Variants in ADAMTS9 observed in about 807,000 individuals in gnomAD.
ADAMTS9 encodes A disintegrin and metalloproteinase with thrombospondin motifs 9.
In ADAMTS9, 107 loss-of-function variants were observed where a neutral mutation model predicts 257.1. That is an observed-to-expected ratio of 0.42 (90% CI 0.36 to 0.49). The LOEUF is 0.49. Among genes scored for constraint, ADAMTS9 ranks in the 20% least tolerant of loss-of-function variants. The pLI, the probability that ADAMTS9 is intolerant of heterozygous loss-of-function variation, is 0.03. For synonymous variants in ADAMTS9, 982 were observed against 880.9 expected, an observed-to-expected ratio of 1.11 and a Z score of -2.03; for missense variants, 2,353 against 2,469.1, an observed-to-expected ratio of 0.95 and a Z score of 1.00.
chr3:64,604,151 GC>G, intron 24 of ADAMTS9, 62 bp from the exon 25 acceptor site: 9 of 1,602,758 alleles, frequency 5.6e-6, no homozygotes, highest in Non-Finnish European at 7.7e-6. Flanking sequence ...CTGGACAGTA[GC>G]CCACTTTCTA....
At position 64,541,189 on chromosome 3, in the gene ADAMTS9, C is replaced by A; in HGVS notation, c.5427G>T (p.Arg1809=). The A allele has an allele frequency of 1.2e-6, 2 of 1,614,180 alleles. No individual in the cohort carries two copies. Among genetic ancestry groups the A allele is most frequent in the Non-Finnish European group, 8.5e-7 (1 of 1,180,020 alleles). ...NPTECPYNGS[R]RDDCQCRKDY... is the part of the protein sequence containing the mutation. ...CCTTCCGACATTGGCAGTCATCGCG[C>A]CGGCTCCCGTTATAGGGACATTCTG... Residue 1809 remains arginine, a synonymous_variant, in exon 36 of 40, where the codon CGG becomes CGT. Coordinates refer to ENST00000498707, the MANE Select transcript of ADAMTS9 (RefSeq NM_182920.2).
chr3:64,534,177 G>A (rs866209948), intron 37 of ADAMTS9, among the ~76,000 whole-genome samples: 3 of 152,262 alleles, frequency 2.0e-5, no homozygotes, highest in Middle Eastern at 6.8e-3. Flanking sequence ...AAGAAGAGAG[G>A]CAAGGAGGAG....
intron 26 of ADAMTS9, among the ~76,000 whole-genome samples, chr3:64,600,308 C>A (rs150792907): frequency 1.3e-5 from 2 of 152,238 alleles, no homozygotes; most frequent in African/African-American, 4.8e-5. Context: ...TCAGACACGT[C>A]AAGCTAGGGC....
chr3:64,585,434 T>C (rs1346865349), intron 28 of ADAMTS9, among the ~76,000 whole-genome samples: 1 of 152,164 alleles, frequency 6.6e-6, no homozygotes, highest in Non-Finnish European at 1.5e-5. Context: ...TGGGAATGAA[T>C]AAGACAGCTT....
Position 64,634,448 on chromosome 3 carries a change from G to T in ADAMTS9, c.1857-569C>A, listed in dbSNP as rs908136955. 2.6e-5 allele frequency among the ~76,000 whole-genome samples: 4 copies of T among 152,166 alleles called. No homozygotes were observed. In the South Asian group the frequency reaches 8.3e-4, roughly 31 times the overall value. ...TGTTTCACAAATAAAATGGAATAAT[G>T]GGAATGTGTTCATATTTTGACTAAC... On this transcript the variant is annotated intron_variant, in intron 12 of 39. Transcript: ENST00000498707.
chr3:64,650,970 T>C (rs1015403493), intron 9 of ADAMTS9, 47 bp downstream of exon 9: 27 of 1,551,314 alleles, frequency 1.7e-5, no homozygotes, highest in Non-Finnish European at 2.1e-5. Flanking sequence ...TCACTACATG[T>C]AGGCCAGGCA....
chr3:64,543,888 T>A (rs745578940), intron 32 of ADAMTS9, among the ~76,000 whole-genome samples: 1 of 152,120 alleles, frequency 6.6e-6, no homozygotes. Context: ...CAGCCCAAAA[T>A]CTCCTTAAGC....
rs141827552 is a variant in ADAMTS9 at position 64,550,973 on chromosome 3, G to A, written c.4788C>T (p.Asp1596=). 2.0e-3 allele frequency: 3,272 copies of A among 1,614,180 alleles called. 21 individuals carry two copies. Among genetic ancestry groups the A allele is most frequent in the African/African-American group, 0.018 (1,340 of 75,050 alleles). ...NKNEVHGARC[D]VSKRPVDRES... Reference sequence around the variant, plus strand: ...CACGGTCCACCGGCCGCTTGCTCACGTCACAGCGTGCCCCATGCACCTCGT... The same window carrying A: ...CACGGTCCACCGGCCGCTTGCTCACATCACAGCGTGCCCCATGCACCTCGT... The change falls in exon 31 of 40, where the codon GAC becomes GAT. Residue 1596 remains aspartate (D), a synonymous_variant. Coordinates refer to ENST00000498707, the MANE Select transcript of ADAMTS9 (RefSeq NM_182920.2).
intron 22 of ADAMTS9, among the ~76,000 whole-genome samples, chr3:64,609,391 C>A (rs1197016851): frequency 6.6e-6 from 1 of 151,990 alleles, no homozygotes; most frequent in Non-Finnish European, 1.5e-5. Flanking sequence ...TCCCAAGAAT[C>A]CATTAAAACT....
intron 11 of ADAMTS9, among the ~76,000 whole-genome samples, chr3:64,642,276 A>G (rs1467485175): frequency 6.6e-6 from 1 of 152,164 alleles, no homozygotes; most frequent in Non-Finnish European, 1.5e-5. Flanking sequence ...CCACTCAATT[A>G]GTTTACTTGG....
chr3:64,633,744 G>T lies in ADAMTS9; in HGVS notation c.1992C>A (p.Ile664=). 6.2e-7 allele frequency: 1 copy of T among 1,613,710 alleles called. No homozygotes were observed. The highest frequency in any genetic ancestry group is 8.5e-7 in the Non-Finnish European group (1 of 1,179,980). Residue 664 remains isoleucine, a synonymous_variant, in exon 13 of 40, where the codon ATC becomes ATA. Coordinates refer to ENST00000498707, the MANE Select transcript of ADAMTS9 (RefSeq NM_182920.2). ...AGCGCACATTGGGAAGCAGACCGTT[G>T]ATGTTAAAATGCTTCCCGTCAAAGT... The part of the protein sequence containing the change: ...CAHFDGKHFN[I]NGLLPNVRWV...
intron 36 of ADAMTS9, among the ~76,000 whole-genome samples, chr3:64,540,583 A>G (rs537798869): frequency 1.6e-4 from 24 of 152,256 alleles, no homozygotes; most frequent in African/African-American, 5.8e-4. Flanking sequence ...GGGGGTGGTG[A>G]ATGTTGCCCA....
chr3:64,658,720 C>T lies in ADAMTS9; in HGVS notation c.751G>A (p.Ala251Thr), dbSNP rs185728229. 3.1e-6 allele frequency: 5 copies of T among 1,614,170 alleles called. No individual in the cohort carries two copies. The highest frequency in any genetic ancestry group is 3.4e-6 in the Non-Finnish European group (4 of 1,180,042). The change falls in exon 4 of 40, where the codon GCT (alanine) becomes ACT (threonine). Residue 251 changes from alanine (A) to threonine (T), a missense_variant. By Grantham distance (58) the Ala-to-Thr change is moderately conservative. Coordinates refer to ENST00000498707, the MANE Select transcript of ADAMTS9 (RefSeq NM_182920.2). ...CTGTTTAATGCTGCTACGTCACCAG[C>T]CAGGTTAATCCTTTCTCCCCATTTT... ...ARKWGERINL[A>T]GDVAALNSGL... is the part of the protein sequence containing the mutation.
At chr3:64,523,590 G>C (rs1346366543) in intron 38 of ADAMTS9, among the ~76,000 whole-genome samples, 1 of 152,194 alleles carries the variant, frequency 6.6e-6, no homozygotes, top group Non-Finnish European at 1.5e-5. Flanking sequence ...TACAAAGCTT[G>C]CGAAACTGTT....
At chr3:64,556,699 A>C (rs913928523) in intron 30 of ADAMTS9, among the ~76,000 whole-genome samples, 1 of 140,494 alleles carries the variant, frequency 7.1e-6, no homozygotes, top group African/African-American at 2.5e-5. Context: ...ATTAGCAGGC[A>C]CTGTTCTATG....
chr3:64,569,775 G>A (rs2083634325), intron 28 of ADAMTS9, among the ~76,000 whole-genome samples: 2 of 152,104 alleles, frequency 1.3e-5, no homozygotes, highest in South Asian at 2.1e-4. Flanking sequence ...AACTTTAGGA[G>A]GTGAAAATAT....
Position 64,561,629 on chromosome 3 carries a change from G to A in ADAMTS9, c.4647C>T (p.Cys1549=), listed in dbSNP as rs1362053448. 1.9e-6 allele frequency: 3 copies of A among 1,613,908 alleles called. No homozygotes were observed. Among genetic ancestry groups the A allele is most frequent in the Admixed American group, 3.3e-5 (2 of 59,986 alleles). The change falls in exon 30 of 40, where the codon TGC becomes TGT. Residue 1549 remains cysteine (C), a synonymous_variant. Coordinates refer to ENST00000498707, the MANE Select transcript of ADAMTS9 (RefSeq NM_182920.2). ...TGTAGAGGGGACACCGTGGGCCTTG[G>A]CAGTCGCGTTCCGACTCCGGTCTGG... ...PYTRPESERD[C]QGPRCPLYTW...
chr3:64,601,020 T>C (rs966003607), intron 26 of ADAMTS9, among the ~76,000 whole-genome samples: 97 of 152,326 alleles, frequency 6.4e-4, no homozygotes, highest in African/African-American at 2.3e-3. Context: ...CTCCCCCTCC[T>C]GCAGTTCCAT....
At chr3:64,578,142 G>A (rs954265499) in intron 28 of ADAMTS9, among the ~76,000 whole-genome samples, 3 of 152,164 alleles carry the variant, frequency 2.0e-5, no homozygotes, top group African/African-American at 7.2e-5. Flanking sequence ...AGGGATAAAG[G>A]TCATTTTAAC....
Sources: allele counts gnomAD v4.1 joint callset (sites outside exome capture counted in the v4.1 genomes callset), GRCh38; gene constraint gnomAD v4.1.1; transcripts MANE v1.5; gene names NCBI Gene and HGNC (gene_info 2026-07-23, HGNC 2026-07-21).